C10orf90: variants seen among roughly 807,000 people sequenced by gnomAD.
The protein encoded by C10orf90 is chromosome 10 open reading frame 90.
C10orf90 carries 56 observed loss-of-function variants against 62.5 expected under a neutral mutation model. That is an observed-to-expected ratio of 0.90 (90% confidence interval 0.72 to 1.12). C10orf90 has a LOEUF of 1.12. Among genes scored for constraint, C10orf90 ranks in the 50% most tolerant of loss-of-function variants. C10orf90 has a pLI of 0.00. For synonymous variants in C10orf90, 386 were observed against 340.4 expected, an observed-to-expected ratio of 1.13 and a Z score of -1.47; for missense variants, 970 against 880.4, an observed-to-expected ratio of 1.10 and a Z score of -1.29.
intron 2 of C10orf90, among the ~76,000 whole-genome samples, chr10:126,609,454 T>C (rs1011068845): frequency 5.3e-5 from 8 of 152,244 alleles, no homozygotes. Context: ...TGGTCCCTAG[T>C]AAGCCCTCAA....
intron 4 of C10orf90, among the ~76,000 whole-genome samples, chr10:126,484,111 TC>T (rs1197185352): frequency 4.6e-5 from 7 of 152,306 alleles, no homozygotes; most frequent in African/African-American, 1.7e-4. Flanking sequence ...AAGAAAGTTA[TC>T]CTTCTCTTCA....
At chr10:126,623,644 C>A (rs556945275) in intron 2 of C10orf90, among the ~76,000 whole-genome samples, 1 of 152,004 alleles carries the variant, frequency 6.6e-6, no homozygotes, top group East Asian at 2.0e-4. Flanking sequence ...GAATTTGAGA[C>A]CAGCCTGGCC....
intron 2 of C10orf90, among the ~76,000 whole-genome samples, chr10:126,514,792 C>A (rs572200164): frequency 8.4e-4 from 128 of 152,232 alleles, no homozygotes; most frequent in African/African-American, 2.8e-3. Context: ...CCTCTCCACC[C>A]CCCATCTCTA....
intron 3 of C10orf90, among the ~76,000 whole-genome samples, chr10:126,510,238 A>G (rs895683695): frequency 6.6e-6 from 1 of 152,172 alleles, no homozygotes; most frequent in Non-Finnish European, 1.5e-5. Flanking sequence ...GGGGGATGCA[A>G]TTCAGCCCCT....
chr10:126,537,266 C>T (rs924206096), intron 2 of C10orf90, among the ~76,000 whole-genome samples: 1 of 152,282 alleles, frequency 6.6e-6, no homozygotes, highest in East Asian at 1.9e-4. Flanking sequence ...AATTCCCCTT[C>T]CTTCTGCAAA....
chr10:126,586,410 C>T (rs111780252), intron 2 of C10orf90, among the ~76,000 whole-genome samples: 4 of 152,334 alleles, frequency 2.6e-5, no homozygotes, highest in African/African-American at 9.6e-5. Flanking sequence ...GCCACTGGCA[C>T]AGAGGGCAGG....
intron 2 of C10orf90, among the ~76,000 whole-genome samples, chr10:126,587,369 A>G (rs958624): frequency 0.96 from 146,148 of 152,296 alleles, 70,293 homozygotes; most frequent in African/African-American, 0.98. Flanking sequence ...CAGTTCTGGA[A>G]GCTGGAGGTC....
chr10:126,568,721 A>C lies in C10orf90; in HGVS notation c.314-54782T>G, dbSNP rs542410086. Among the ~76,000 whole-genome samples, 72 of 152,322 alleles carry C rather than the reference A, an allele frequency of 4.7e-4. 2 individuals carry two copies. The highest frequency in any genetic ancestry group is 1.4e-3 in the African/African-American group (59 of 41,580). ...CCTACACCAGATAGAGGGAAAAGAC[A>C]GCCAGACAGAGGTGCTTTAGGAGGC... is the stretch of plus-strand genomic sequence containing the variant. On this transcript the variant is annotated intron_variant, in intron 2 of 9. Transcript: ENST00000488181.
In C10orf90 at chr10:126,566,314, G is replaced by T. The variant is rs188829818; in HGVS notation, c.314-52375C>A. On this transcript the variant is annotated intron_variant, in intron 2 of 9. Transcript: ENST00000488181. ...CAAAGTAAGCGAATATTCATTAAGG[G>T]TCCCCTATGTGTCAGGCACTGTGCT... is the stretch of plus-strand genomic sequence containing the variant. 2.2e-3 allele frequency among the ~76,000 whole-genome samples: 342 copies of T among 152,294 alleles called. 1 individual carries two copies. The highest frequency in any genetic ancestry group is 3.9e-3 in the Non-Finnish European group (266 of 68,016).
chr10:126,470,900 T>C (rs530108403), intron 4 of C10orf90, among the ~76,000 whole-genome samples: 1 of 152,352 alleles, frequency 6.6e-6, no homozygotes, highest in East Asian at 1.9e-4. Context: ...TCAACTTTTG[T>C]CTGCAGGTTA....
At chr10:126,569,084 G>T (rs902583723) in intron 2 of C10orf90, among the ~76,000 whole-genome samples, 1 of 152,138 alleles carries the variant, frequency 6.6e-6, no homozygotes, top group Non-Finnish European at 1.5e-5. Context: ...ATGCAAGTCA[G>T]GCTCTTCAAG....
At chr10:126,669,358 C>A (rs1178177907) in intron 1 of C10orf90, among the ~76,000 whole-genome samples, 2 of 152,186 alleles carry the variant, frequency 1.3e-5, no homozygotes, top group Non-Finnish European at 2.9e-5. Context: ...TTCCTTCTGC[C>A]CAGCCTGGGG....
rs550950202 is a variant in C10orf90 at position 126,552,954 on chromosome 10, G to T, written c.314-39015C>A. ...CCAACAAATCGTTTTGGGTCTATTA[G>T]ACATCGGTTGGGGGAAAAAAATGAA... On this transcript the variant is annotated intron_variant, in intron 2 of 9. Transcript: ENST00000488181. Among the ~76,000 whole-genome samples, 11 of 152,286 alleles carry T rather than the reference G, an allele frequency of 7.2e-5. No individual in the cohort carries two copies. The East Asian group carries it at 2.1e-3, about 29-fold the overall frequency.
chr10:126,576,806 C>T (rs11245050), intron 2 of C10orf90, among the ~76,000 whole-genome samples: 45,044 of 138,118 alleles, frequency 0.33, 7,960 homozygotes, highest in Non-Finnish European at 0.41. Flanking sequence ...CAATGGAATA[C>T]TATTCAGCCA....
At chr10:126,501,292 A>T (rs1250275603) in intron 4 of C10orf90, among the ~76,000 whole-genome samples, 1 of 152,206 alleles carries the variant, frequency 6.6e-6, no homozygotes, top group Non-Finnish European at 1.5e-5. Flanking sequence ...GGTAAATTTC[A>T]GGCCAGAATT....
At chr10:126,496,012 C>G (rs1012797489) in intron 4 of C10orf90, among the ~76,000 whole-genome samples, 2 of 152,284 alleles carry the variant, frequency 1.3e-5, no homozygotes, top group Non-Finnish European at 2.9e-5. Context: ...CAGATGGGCC[C>G]CATTCCCAAG....
At chr10:126,570,138 G>A (rs1001003556) in intron 2 of C10orf90, among the ~76,000 whole-genome samples, 2 of 152,166 alleles carry the variant, frequency 1.3e-5, no homozygotes, top group African/African-American at 2.4e-5. Flanking sequence ...ATTCTCCCAC[G>A]TAATTGCAGC....
intron 4 of C10orf90, among the ~76,000 whole-genome samples, chr10:126,492,950 C>A (rs779472688): frequency 9.2e-5 from 14 of 152,026 alleles, no homozygotes; most frequent in Non-Finnish European, 1.9e-4. Context: ...GGACATTTAT[C>A]AACACATTGC....
chr10:126,489,687 T>C (rs184975176), intron 4 of C10orf90, among the ~76,000 whole-genome samples: 1 of 151,856 alleles, frequency 6.6e-6, no homozygotes, highest in African/African-American at 2.4e-5. Flanking sequence ...ATATCAAAAA[T>C]AGAATTTTCA....
Sources: gnomAD v4.1 joint callset for allele counts (sites outside exome capture counted in the v4.1 genomes callset) on GRCh38, gnomAD v4.1.1 for gene constraint, MANE v1.5 for transcripts, NCBI Gene and HGNC (gene_info 2026-07-23, HGNC 2026-07-21) for gene names.